KLHDC4: variants seen among roughly 807,000 people sequenced by gnomAD.
KLHDC4 encodes kelch domain containing 4, also known as kelch domain-containing protein 4.
In KLHDC4, 90 loss-of-function variants were observed where a neutral mutation model predicts 62.4. That is an observed-to-expected ratio of 1.44 (90% CI 1.22 to 1.72). KLHDC4 has a LOEUF of 1.72. Among genes scored for constraint, KLHDC4 ranks in the 40% most tolerant of loss-of-function variants. The pLI, the probability that KLHDC4 is intolerant of heterozygous loss-of-function variation, is 0.00. For missense variants in KLHDC4, 1,025 were observed against 699.7 expected (o/e 1.47, Z -5.25); for synonymous variants, 386 against 284.4 (o/e 1.36, Z -3.59).
Position 87,755,266 on chromosome 16 carries a change from G to C in KLHDC4, c.297C>G (p.Val99=), listed in dbSNP as rs368863025. 7 of 1,605,832 alleles carry C rather than the reference G, an allele frequency of 4.4e-6. No individual in the cohort carries two copies. Among genetic ancestry groups the C allele is most frequent in the African/African-American group, 1.3e-5 (1 of 74,866 alleles). ...TCCAGGTGTCCTTTCTGGTATTGTA[G>C]ACATAGAGCTCGTTATACAAAAAAG... is the stretch of plus-strand genomic sequence containing the variant. The part of the protein sequence containing the change: ...QKTFLYNELY[V]YNTRKDTWTK... The change falls in exon 4 of 12, where the codon GTC becomes GTG. Residue 99 remains valine, a synonymous_variant. Transcript: ENST00000270583.
Position 87,711,289 on chromosome 16 carries a change from G to C in KLHDC4, c.990C>G (p.Asn330Lys). The C allele has an allele frequency of 6.2e-7, 1 of 1,614,130 alleles. No homozygotes were observed. Among genetic ancestry groups the C allele is most frequent in the Non-Finnish European group, 8.5e-7 (1 of 1,180,030 alleles). ...TGGTGGCGTCGTAGAAGTACAGATC[G>C]TTGAAGAACTCGCCCGACAGGCTCT... ...EEESLSGEFF[N>K]DLYFYDATRN... Residue 330 changes from asparagine (N) to lysine (K), a missense_variant, in exon 9 of 12, where the codon AAC becomes AAG. Asn to Lys is a moderately conservative substitution (Grantham distance 94, BLOSUM62 0). Coordinates refer to ENST00000270583, the MANE Select transcript of KLHDC4 (RefSeq NM_017566.4).
chr16:87,764,847 A>AG (rs2046392998), intron 1 of KLHDC4, among the ~76,000 whole-genome samples: 3 of 145,884 alleles, frequency 2.1e-5, no homozygotes, highest in Admixed American at 1.3e-4. Context: ...AAAAAAAAAA[A>AG]AAAGAAAGAG....
intron 9 of KLHDC4, 32 bp from the exon 10 acceptor site, chr16:87,709,699 A>T: frequency 6.5e-7 from 1 of 1,532,546 alleles, no homozygotes; most frequent in Non-Finnish European, 8.8e-7. Flanking sequence ...AGAGAGCAGC[A>T]GCTTCAGCGA....
intron 1 of KLHDC4, chr16:87,765,363 C>T (rs1428253997): frequency 6.5e-6 from 3 of 461,820 alleles, no homozygotes; most frequent in Non-Finnish European, 1.3e-5. Flanking sequence ...AAGTAAGGTT[C>T]AGAAAAGTTA....
chr16:87,765,613 G>A (rs555641166), intron 1 of KLHDC4, among the ~76,000 whole-genome samples, 179 bp downstream of exon 1: 1 of 152,224 alleles, frequency 6.6e-6, no homozygotes, highest in Admixed American at 6.5e-5. Flanking sequence ...GACTCAGGAG[G>A]GGGCGGGCCC....
chr16:87,731,895 G>A (rs938592024), intron 5 of KLHDC4, among the ~76,000 whole-genome samples: 1 of 152,194 alleles, frequency 6.6e-6, no homozygotes, highest in Non-Finnish European at 1.5e-5. Flanking sequence ...ACACAGCAAT[G>A]TGAATGAATC....
Position 87,762,057 on chromosome 16 carries a change from G to C in KLHDC4, c.100-17C>G, listed in dbSNP as rs755886147. Reference sequence around the variant, plus strand: ...CAGGTCTTCCTAGGGCAAGCAAGCAGGCACACGTGAGACTTATTCCCAGGA... The same window carrying C: ...CAGGTCTTCCTAGGGCAAGCAAGCACGCACACGTGAGACTTATTCCCAGGA... On this transcript the variant is annotated splice_polypyrimidine_tract_variant and intron_variant, in intron 1 of 11. Coordinates refer to ENST00000270583, the MANE Select transcript of KLHDC4 (RefSeq NM_017566.4). The C allele has an allele frequency of 1.2e-6, 2 of 1,612,518 alleles. No homozygotes were observed. Among genetic ancestry groups the C allele is most frequent in the Non-Finnish European group, 1.7e-6 (2 of 1,179,354 alleles).
chr16:87,716,690 G>A (rs748466504), intron 7 of KLHDC4, among the ~76,000 whole-genome samples: 1 of 152,130 alleles, frequency 6.6e-6, no homozygotes, highest in Non-Finnish European at 1.5e-5. Flanking sequence ...CAGCACTTCA[G>A]GAGGCCGAGG....
chr16:87,749,783 C>T (rs929029040), intron 4 of KLHDC4, among the ~76,000 whole-genome samples: 1 of 152,118 alleles, frequency 6.6e-6, no homozygotes, highest in African/African-American at 2.4e-5. Context: ...TCTACGCTGT[C>T]CAGGCTGGTC....
chr16:87,750,104 C>A (rs777395288), intron 4 of KLHDC4: 3 of 152,250 alleles, frequency 2.0e-5, no homozygotes, highest in Non-Finnish European at 4.4e-5. Context: ...CTCTCAGGGC[C>A]CCCAAGAACT....
rs752333689 is a variant in KLHDC4, at chr16:87,708,008, C to G, written c.*69G>C. ...ACGCACGCTGGCCCCAAGAGCTTCACTCAACACGGCTGGGTCCTGGGCGGA... is the reference window on the plus strand; with the variant it reads ...ACGCACGCTGGCCCCAAGAGCTTCAGTCAACACGGCTGGGTCCTGGGCGGA... On this transcript the variant is annotated 3_prime_UTR_variant, in exon 12 of 12. Transcript: ENST00000270583. 2.0e-6 allele frequency: 1 copy of G among 491,652 alleles called. No individual in the cohort carries two copies. Among genetic ancestry groups the G allele is most frequent in the Non-Finnish European group, 4.0e-6 (1 of 250,244 alleles). The allele number at this position is 491,652 out of a possible 1,614,324, so 30.5% of individuals were successfully genotyped here. A position where few individuals can be genotyped will look rare whatever the true frequency, so the allele number is the denominator to read the frequency against.
chr16:87,734,471 C>G (rs2040927352), intron 5 of KLHDC4, among the ~76,000 whole-genome samples: 1 of 152,208 alleles, frequency 6.6e-6, no homozygotes, highest in Non-Finnish European at 1.5e-5. Context: ...TGCCAGGAGT[C>G]TTCGCTTGCT....
At chr16:87,708,154 C>T in intron 11 of KLHDC4, 79 bp from the exon 12 acceptor site, 2 of 634,332 alleles carry the variant, frequency 3.2e-6, no homozygotes, top group Non-Finnish European at 2.9e-6. Flanking sequence ...GTAGAGAGAA[C>T]ACCGGGTTTT....
chr16:87,730,587 TTGTC>T lies in KLHDC4; in HGVS notation c.560_563del (p.Arg187AsnfsTer2), dbSNP rs1364232314. 1.9e-6 allele frequency: 3 copies of T among 1,612,940 alleles called. No individual in the cohort carries two copies. The African/African-American group carries it at 4.0e-5, about 22-fold the overall frequency. On this transcript the variant is annotated frameshift_variant, in exon 6 of 12. Transcript: ENST00000270583. LOFTEE classifies it high-confidence loss of function. Reference sequence around the variant, plus strand: ...CATGGAAGCCACCAAACAGGATCAATTGTCTCTTCCAGGCCACCATCCGATGTCC... The same window carrying T: ...CATGGAAGCCACCAAACAGGATCAATTCTTCCAGGCCACCATCCGATGTCC...
chr16:87,724,967 A>T (rs1228321763), intron 7 of KLHDC4, among the ~76,000 whole-genome samples: 1 of 152,234 alleles, frequency 6.6e-6, no homozygotes, highest in East Asian at 1.9e-4. Context: ...TGTCCAACGA[A>T]AAACAGAACC....
At chr16:87,719,771 T>C (rs2037884039) in intron 7 of KLHDC4, among the ~76,000 whole-genome samples, 1 of 152,062 alleles carries the variant, frequency 6.6e-6, no homozygotes, top group African/African-American at 2.4e-5. Flanking sequence ...ACATTATTGC[T>C]GGAATGCAAA....
rs767666020 is a variant in KLHDC4 at position 87,709,674 on chromosome 16, A to G, written c.1045-7T>C. On this transcript the variant is annotated splice_region_variant and splice_polypyrimidine_tract_variant and intron_variant, in intron 9 of 11. Coordinates refer to ENST00000270583, the MANE Select transcript of KLHDC4 (RefSeq NM_017566.4). ...TCTTTTCAGACTTGGGTCCCTATTA[A>G]TAGACCGAGGAAGCAGAGAGCAGCA... 6.3e-7 allele frequency: 1 copy of G among 1,579,886 alleles called. No individual in the cohort carries two copies. Among genetic ancestry groups the G allele is most frequent in the East Asian group, 2.3e-5 (1 of 44,088 alleles).
chr16:87,740,248 T>C (rs1222018012), intron 5 of KLHDC4, among the ~76,000 whole-genome samples: 3 of 150,862 alleles, frequency 2.0e-5, no homozygotes, highest in Admixed American at 1.3e-4. Flanking sequence ...CCACCGTGAC[T>C]GAGGAGGGAA....
chr16:87,750,636 G>A (rs921567064), intron 4 of KLHDC4, among the ~76,000 whole-genome samples: 8 of 152,204 alleles, frequency 5.3e-5, no homozygotes, highest in African/African-American at 1.7e-4. Flanking sequence ...GGTCAAGTGC[G>A]CCTCGGGTGG....
Sources: allele counts gnomAD v4.1 joint callset (sites outside exome capture counted in the v4.1 genomes callset), GRCh38; gene constraint gnomAD v4.1.1; transcripts MANE v1.5; gene names NCBI Gene and HGNC (gene_info 2026-07-23, HGNC 2026-07-21).